Variants in DEFB1 observed in about 807,000 individuals in gnomAD.
DEFB1 encodes defensin beta 1.
A neutral mutation model predicts 2.6 loss-of-function variants in DEFB1; 4 were observed. That is an observed-to-expected ratio of 1.53 (90% CI 0.76 to 3.51). The LOEUF is 3.51. DEFB1 is among the 30% of genes most tolerant of loss of function. The probability of loss-of-function intolerance (pLI) is 0.01; values close to 1 mark genes in which losing one functional copy is unlikely to be tolerated. For synonymous variants in DEFB1, 56 were observed against 28.5 expected, an observed-to-expected ratio of 1.96 and a Z score of -3.07; for missense variants, 162 against 76.9, an observed-to-expected ratio of 2.11 and a Z score of -4.14.
At chr8:6,876,254 A>T (rs551258971) in intron 1 of DEFB1, among the ~76,000 whole-genome samples, 226 of 152,174 alleles carry the variant, frequency 1.5e-3, no homozygotes, top group Middle Eastern at 3.4e-3. Flanking sequence ...AGGCAGGCGG[A>T]CCATGAGGTC....
chr8:6,872,990 T>G (rs1254355238), intron 1 of DEFB1, among the ~76,000 whole-genome samples: 1 of 152,212 alleles, frequency 6.6e-6, no homozygotes, highest in Non-Finnish European at 1.5e-5. Context: ...GCATATAAAT[T>G]TGAAAGCACT....
intron 1 of DEFB1, among the ~76,000 whole-genome samples, chr8:6,873,888 C>A (rs1806418569): frequency 6.6e-6 from 1 of 152,178 alleles, no homozygotes; most frequent in African/African-American, 2.4e-5. Flanking sequence ...GAGGTTCCTT[C>A]CTGTTGGAGC....
At chr8:6,874,957 G>T (rs1806467752) in intron 1 of DEFB1, among the ~76,000 whole-genome samples, 1 of 149,338 alleles carries the variant, frequency 6.7e-6, no homozygotes, top group Non-Finnish European at 1.5e-5. Flanking sequence ...ACTACAGCCT[G>T]GGTGACAGAG....
At chr8:6,871,663 G>A (rs1029256953) in intron 1 of DEFB1, among the ~76,000 whole-genome samples, 1 of 152,080 alleles carries the variant, frequency 6.6e-6, no homozygotes, top group Admixed American at 6.5e-5. Flanking sequence ...CGGTCATTGG[G>A]GTGTGCTCTG....
intron 1 of DEFB1, among the ~76,000 whole-genome samples, chr8:6,877,062 C>G (rs5743426): frequency 0.025 from 3,825 of 152,244 alleles, 145 homozygotes; most frequent in African/African-American, 0.08. Flanking sequence ...CAGGATCATC[C>G]TTCCCAGCCC....
chr8:6,873,067 G>A (rs2977778), intron 1 of DEFB1, among the ~76,000 whole-genome samples: 125,329 of 152,222 alleles, frequency 0.82, 51,808 homozygotes, highest in Middle Eastern at 0.89. Context: ...ATGGTTGGGT[G>A]TATATATGCT....
chr8:6,875,757 C>G (rs1446674824), intron 1 of DEFB1, among the ~76,000 whole-genome samples: 4 of 152,176 alleles, frequency 2.6e-5, no homozygotes, highest in Admixed American at 6.5e-5. Context: ...GGTGATGCAA[C>G]TTTTCAGCAT....
intron 1 of DEFB1, among the ~76,000 whole-genome samples, chr8:6,873,666 G>A (rs893587376): frequency 5.4e-5 from 8 of 147,416 alleles, no homozygotes; most frequent in Non-Finnish European, 1.2e-4. Context: ...AGACACTGGG[G>A]GCTACTAGAG....
chr8:6,876,576 G>T (rs1401359722), intron 1 of DEFB1, among the ~76,000 whole-genome samples: 1 of 152,098 alleles, frequency 6.6e-6, no homozygotes, highest in African/African-American at 2.4e-5. Context: ...TAGGAGGGTT[G>T]CTTGTGCCCA....
chr8:6,877,348 C>G (rs908391800), intron 1 of DEFB1, among the ~76,000 whole-genome samples: 1 of 152,246 alleles, frequency 6.6e-6, no homozygotes, highest in Admixed American at 6.5e-5. Flanking sequence ...AAGGCACCGG[C>G]TGAGCTGGCC....
intron 1 of DEFB1, among the ~76,000 whole-genome samples, chr8:6,874,976 A>C (rs1393493740): frequency 4.5e-4 from 43 of 96,174 alleles, no homozygotes; most frequent in African/African-American, 1.5e-3. Flanking sequence ...AGCGAGACTC[A>C]GTCTCAAAAA....
At chr8:6,877,400 C>T (rs559974691) in intron 1 of DEFB1, among the ~76,000 whole-genome samples, 44 of 152,348 alleles carry the variant, frequency 2.9e-4, no homozygotes, top group Non-Finnish European at 8.8e-5. Flanking sequence ...CCAGGGCACC[C>T]CAGGAGGCTG....
In DEFB1 at chr8:6,877,813, CA is replaced by C; in HGVS notation, c.44del (p.Leu15CysfsTer68). On this transcript the variant is annotated frameshift_variant, in exon 1 of 2. Coordinates refer to ENST00000297439, the MANE Select transcript of DEFB1 (RefSeq NM_005218.4). LOFTEE classifies it low-confidence loss of function (END_TRUNC). ...AGAGCTTACCTGAGGCCATCTCAGACAAAAGTAAGCAGAGAGTAAACAGCAG... is the reference window on the plus strand; with the variant it reads ...AGAGCTTACCTGAGGCCATCTCAGACAAAGTAAGCAGAGAGTAAACAGCAG... ...YLLLFTLCLL[L>X]SEMASGGNFL... 6.2e-7 allele frequency: 1 copy of C among 1,613,990 alleles called. No individual in the cohort carries two copies. Among genetic ancestry groups the C allele is most frequent in the Non-Finnish European group, 8.5e-7 (1 of 1,179,938 alleles).
At position 6,877,895 on chromosome 8, in the gene DEFB1, G is replaced by A. The variant is rs759059859; in HGVS notation, c.-38C>T. Reference sequence around the variant, plus strand: ...GCAACACCCAGGATTTCAGGAACTGGGGAGACGCTGGCTCCTTTGGAGGCT... The same window carrying A: ...GCAACACCCAGGATTTCAGGAACTGAGGAGACGCTGGCTCCTTTGGAGGCT... On this transcript the variant is annotated 5_prime_UTR_variant, in exon 1 of 2. Coordinates refer to ENST00000297439, the MANE Select transcript of DEFB1 (RefSeq NM_005218.4). 6.3e-7 allele frequency: 1 copy of A among 1,599,948 alleles called. No homozygotes were observed. Among genetic ancestry groups the A allele is most frequent in the Non-Finnish European group, 8.6e-7 (1 of 1,167,194 alleles).
At chr8:6,875,451 T>C (rs1369692077) in intron 1 of DEFB1, among the ~76,000 whole-genome samples, 1 of 152,052 alleles carries the variant, frequency 6.6e-6, no homozygotes, top group Non-Finnish European at 1.5e-5. Flanking sequence ...AAAGAAAACA[T>C]GGACAAAAGA....
At chr8:6,871,797 C>T (rs968328993) in intron 1 of DEFB1, among the ~76,000 whole-genome samples, 2 of 152,194 alleles carry the variant, frequency 1.3e-5, no homozygotes, top group African/African-American at 4.8e-5. Context: ...GAGAAGAAGC[C>T]AACCCTGCTT....
chr8:6,877,632 G>C (rs947644752), intron 1 of DEFB1, among the ~76,000 whole-genome samples, 165 bp downstream of exon 1: 3 of 152,210 alleles, frequency 2.0e-5, no homozygotes, highest in Non-Finnish European at 4.4e-5. Flanking sequence ...GCTTGGCAGG[G>C]CTTGCCTGCT....
At chr8:6,873,894 G>C (rs1381546148) in intron 1 of DEFB1, among the ~76,000 whole-genome samples, 6 of 152,144 alleles carry the variant, frequency 3.9e-5, no homozygotes, top group Non-Finnish European at 7.3e-5. Context: ...CCTTCCTGTT[G>C]GAGCAGTCTA....
intron 1 of DEFB1, among the ~76,000 whole-genome samples, chr8:6,871,359 C>A (rs534003101): frequency 6.6e-6 from 1 of 152,284 alleles, no homozygotes; most frequent in Admixed American, 6.5e-5. Flanking sequence ...CTAAAACTTT[C>A]ATAGTTTTTT....
Sources: gnomAD v4.1 joint callset for allele counts (sites outside exome capture counted in the v4.1 genomes callset) on GRCh38, gnomAD v4.1.1 for gene constraint, MANE v1.5 for transcripts, NCBI Gene and HGNC (gene_info 2026-07-23, HGNC 2026-07-21) for gene names.